The following SLC24A3 variants were observed in gnomAD, a reference collection of about 807,000 sequenced individuals.
SLC24A3 encodes solute carrier family 24 member 3, also known as sodium/potassium/calcium exchanger 3.
A neutral mutation model predicts 75.8 loss-of-function variants in SLC24A3; 28 were observed. The observed-to-expected ratio is 0.37, with a 90% CI of 0.27 to 0.51. The LOEUF (loss-of-function observed/expected upper bound fraction) is 0.51. Ranked by LOEUF, SLC24A3 falls within the 20% of genes least tolerant of loss-of-function variation. SLC24A3 has a pLI of 0.94. For missense variants in SLC24A3, 663 were observed against 847.8 expected (o/e 0.78, Z 2.71); for synonymous variants, 372 against 334.1 (o/e 1.11, Z -1.24).
intron 2 of SLC24A3, among the ~76,000 whole-genome samples, chr20:19,337,940 C>T (rs911253736): frequency 2.0e-5 from 3 of 152,028 alleles, no homozygotes; most frequent in African/African-American, 7.3e-5. Context: ...GGCACAGCAT[C>T]ACTTCCTTCA....
chr20:19,635,957 G>A (rs1048183563), intron 6 of SLC24A3, among the ~76,000 whole-genome samples: 21 of 152,112 alleles, frequency 1.4e-4, no homozygotes, highest in African/African-American at 4.8e-4. Context: ...TGGCTAACAC[G>A]GTGAAACCCC....
intron 3 of SLC24A3, among the ~76,000 whole-genome samples, chr20:19,562,108 A>G (rs2030883379): frequency 6.6e-6 from 1 of 152,060 alleles, no homozygotes. Context: ...CTGGATTCCC[A>G]TTTGTGACTC....
At chr20:19,402,867 G>A (rs190207826) in intron 2 of SLC24A3, among the ~76,000 whole-genome samples, 2 of 152,344 alleles carry the variant, frequency 1.3e-5, no homozygotes, top group Admixed American at 1.3e-4. Flanking sequence ...TTCTGCATGG[G>A]TGGGCATGGT....
intron 6 of SLC24A3, among the ~76,000 whole-genome samples, chr20:19,628,852 G>A (rs144770890): frequency 6.6e-6 from 1 of 152,286 alleles, no homozygotes; most frequent in Admixed American, 6.5e-5. Context: ...AGAATCTCTA[G>A]TGGGGCTAAT....
chr20:19,389,444 T>C (rs1986329612), intron 2 of SLC24A3, among the ~76,000 whole-genome samples: 1 of 152,072 alleles, frequency 6.6e-6, no homozygotes, highest in African/African-American at 2.4e-5. Context: ...TCAGGGAAAG[T>C]CCTTATCTCT....
chr20:19,403,031 A>G (rs758827145), intron 2 of SLC24A3, among the ~76,000 whole-genome samples: 5 of 152,226 alleles, frequency 3.3e-5, no homozygotes, highest in Non-Finnish European at 5.9e-5. Flanking sequence ...GAGGGCTTCC[A>G]TATTAGACAT....
At chr20:19,463,255 A>G (rs1229867619) in intron 2 of SLC24A3, among the ~76,000 whole-genome samples, 2 of 152,180 alleles carry the variant, frequency 1.3e-5, no homozygotes, top group Non-Finnish European at 2.9e-5. Flanking sequence ...GCATCCTTGT[A>G]CATTCATCTT....
chr20:19,417,738 G>A (rs1396939575), intron 2 of SLC24A3, among the ~76,000 whole-genome samples: 1 of 152,204 alleles, frequency 6.6e-6, no homozygotes, highest in African/African-American at 2.4e-5. Context: ...GCAGAACTCT[G>A]AAGGCACATT....
intron 8 of SLC24A3, among the ~76,000 whole-genome samples, chr20:19,669,363 A>G (rs1266961015): frequency 6.6e-6 from 1 of 152,114 alleles, no homozygotes; most frequent in Non-Finnish European, 1.5e-5. Flanking sequence ...TTAGCCAGGC[A>G]TGGTGATGCA....
At chr20:19,651,570 G>C (rs190544713) in intron 6 of SLC24A3, among the ~76,000 whole-genome samples, 1 of 152,000 alleles carries the variant, frequency 6.6e-6, no homozygotes, top group African/African-American at 2.4e-5. Flanking sequence ...CTATGAAAAT[G>C]CATGTCCGGC....
intron 3 of SLC24A3, among the ~76,000 whole-genome samples, chr20:19,530,787 T>C (rs2030283389): frequency 6.6e-6 from 1 of 152,046 alleles, no homozygotes; most frequent in South Asian, 2.1e-4. Flanking sequence ...TGATGATAAG[T>C]CCCTAGACAG....
intron 13 of SLC24A3, chr20:19,695,826 G>A (rs530252741): frequency 2.0e-5 from 3 of 152,032 alleles, no homozygotes; most frequent in Non-Finnish European, 4.4e-5. Context: ...TACACATTAC[G>A]TAGCACCCAC....
At chr20:19,632,229 A>C (rs2031942989) in intron 6 of SLC24A3, among the ~76,000 whole-genome samples, 1 of 152,190 alleles carries the variant, frequency 6.6e-6, no homozygotes, top group Admixed American at 6.5e-5. Context: ...TAGGTGTATT[A>C]GCTTCCTATC....
intron 2 of SLC24A3, among the ~76,000 whole-genome samples, chr20:19,347,641 GA>G (rs1985457072): frequency 1.3e-5 from 2 of 152,302 alleles, no homozygotes; most frequent in South Asian, 4.1e-4. Context: ...AATTGGAACA[GA>G]ATTCATGGTT....
At chr20:19,679,006 C>G in intron 9 of SLC24A3, among the ~76,000 whole-genome samples, 1 of 151,780 alleles carries the variant, frequency 6.6e-6, no homozygotes, top group Admixed American at 6.5e-5. Context: ...AGAGACGCTC[C>G]TCACTTTCCA....
intron 2 of SLC24A3, among the ~76,000 whole-genome samples, chr20:19,406,905 G>A (rs1986656812): frequency 6.6e-6 from 1 of 152,154 alleles, no homozygotes; most frequent in African/African-American, 2.4e-5. Flanking sequence ...TGTAATCCCT[G>A]GTGATGTGAA....
chr20:19,455,173 G>A (rs1302806207), intron 2 of SLC24A3, among the ~76,000 whole-genome samples: 1 of 152,188 alleles, frequency 6.6e-6, no homozygotes, highest in Non-Finnish European at 1.5e-5. Context: ...CAGATCCTGT[G>A]AGCAAAAGCG....
chr20:19,658,702 G>C (rs961864950), intron 7 of SLC24A3, among the ~76,000 whole-genome samples: 3 of 152,106 alleles, frequency 2.0e-5, no homozygotes, highest in African/African-American at 2.4e-5. Context: ...CGTTGAGAAG[G>C]CTCCCCCAAT....
At chr20:19,657,853 G>T (rs914703869) in intron 7 of SLC24A3, among the ~76,000 whole-genome samples, 1 of 151,950 alleles carries the variant, frequency 6.6e-6, no homozygotes, top group Non-Finnish European at 1.5e-5. Flanking sequence ...TTTTTCTTCT[G>T]ATTTCCCTTA....
Sources: gnomAD v4.1 joint callset for allele counts (sites outside exome capture counted in the v4.1 genomes callset) on GRCh38, gnomAD v4.1.1 for gene constraint, MANE v1.5 for transcripts, NCBI Gene and HGNC (gene_info 2026-07-23, HGNC 2026-07-21) for gene names.